Variants in FBN1 observed in about 807,000 individuals in gnomAD.
FBN1 encodes fibrillin 1.
In FBN1, 29 loss-of-function variants were observed where a neutral mutation model predicts 365.1. That is an observed-to-expected ratio of 0.08 (90% CI 0.06 to 0.11). The LOEUF (loss-of-function observed/expected upper bound fraction) is 0.11, where lower values mean the gene tolerates loss of function less well. Ranked by LOEUF, FBN1 falls within the 10% of genes least tolerant of loss-of-function variation. The pLI is 1.00. For missense variants in FBN1, 2,476 were observed against 3,703.2 expected, an observed-to-expected ratio of 0.67 and a Z score of 8.60; for synonymous variants, 1,210 against 1,270.5, an observed-to-expected ratio of 0.95 and a Z score of 1.01.
At chr15:48,501,890 T>C (rs1283260331) in intron 17 of FBN1, among the ~76,000 whole-genome samples, 2 of 152,230 alleles carry the variant, frequency 1.3e-5, no homozygotes, top group Admixed American at 1.3e-4. Context: ...AACAGAATGG[T>C]ATTTGTATAT....
At chr15:48,485,610 T>G (rs2043500325) in intron 29 of FBN1, 114 bp from the exon 30 acceptor site, 1 of 1,145,266 alleles carries the variant, frequency 8.7e-7, no homozygotes. Context: ...GCAGGGCCTT[T>G]AAAAGAGGTA....
At chr15:48,511,044 G>T (rs544766881) in intron 13 of FBN1, among the ~76,000 whole-genome samples, 2 of 152,322 alleles carry the variant, frequency 1.3e-5, no homozygotes, top group East Asian at 3.9e-4. Context: ...CAGGGACCAA[G>T]AAACTATGTG....
intron 64 of FBN1, 94 bp from the exon 65 acceptor site, chr15:48,412,837 G>T: frequency 7.0e-7 from 1 of 1,429,554 alleles, no homozygotes; most frequent in Non-Finnish European, 9.8e-7. Context: ...CCTTGCAGTT[G>T]TGAGATACAG....
chr15:48,610,620 T>C, intron 4 of FBN1, 108 bp downstream of exon 4: 1 of 807,762 alleles, frequency 1.2e-6, no homozygotes, highest in Non-Finnish European at 2.1e-6. Flanking sequence ...GCAGATGTTC[T>C]AGTGAAAAAA....
chr15:48,416,281 C>T (rs1054609506), intron 63 of FBN1, among the ~76,000 whole-genome samples: 2 of 152,188 alleles, frequency 1.3e-5, no homozygotes, highest in Non-Finnish European at 2.9e-5. Context: ...CAGCCTATTT[C>T]AGGATATGCT....
intron 2 of FBN1, among the ~76,000 whole-genome samples, chr15:48,629,449 C>CA (rs1168611098): frequency 1.3e-5 from 2 of 151,456 alleles, no homozygotes; most frequent in Non-Finnish European, 2.9e-5. Flanking sequence ...GAATAAACTG[C>CA]AAAAAAACAA....
At chr15:48,644,273 A>G (rs1227808891) in intron 2 of FBN1, 5 of 331,690 alleles carry the variant, frequency 1.5e-5, no homozygotes, top group Non-Finnish European at 2.9e-5. Context: ...ACCAGAATTG[A>G]TATTGCAGGG....
At chr15:48,537,467 G>T in intron 7 of FBN1, 144 bp downstream of exon 7, 2 of 934,522 alleles carry the variant, frequency 2.1e-6, no homozygotes, top group African/African-American at 1.6e-5. Flanking sequence ...CGTTCCTAAT[G>T]CCTTAGTTGG....
Position 48,420,672 on chromosome 15 carries a change from G to A in FBN1, c.7819+15C>T, listed in dbSNP as rs772164887. 3.5e-5 allele frequency: 56 copies of A among 1,613,920 alleles called. No individual in the cohort carries two copies. The highest frequency in any genetic ancestry group is 4.5e-5 in the Non-Finnish European group (53 of 1,179,988). ...TGATAGCCATGCATCTTGAGAGTGA[G>A]GAAAAGTTACTTGCCAACACACTGG... On this transcript the variant is annotated intron_variant, in intron 63 of 65. Coordinates refer to ENST00000316623, the MANE Select transcript of FBN1 (RefSeq NM_000138.5).
At chr15:48,604,564 A>T (rs1014419479) in intron 4 of FBN1, among the ~76,000 whole-genome samples, 1 of 152,166 alleles carries the variant, frequency 6.6e-6, no homozygotes, top group Admixed American at 6.5e-5. Flanking sequence ...AAACAAACAA[A>T]ATCTAGCCAA....
At chr15:48,516,416 T>C (rs1046217722) in intron 10 of FBN1, 54 bp from the exon 11 acceptor site, 10 of 1,543,762 alleles carry the variant, frequency 6.5e-6, no homozygotes, top group Admixed American at 1.7e-5. Context: ...CTTATGATCA[T>C]AGGCCCACAG....
intron 12 of FBN1, 37 bp downstream of exon 12, chr15:48,515,350 A>G (rs2043791357): frequency 1.2e-6 from 2 of 1,612,912 alleles, no homozygotes; most frequent in Non-Finnish European, 1.7e-6. Context: ...CAGAATTACA[A>G]CAGACCCTTG....
At chr15:48,617,268 G>A (rs868311937) in intron 2 of FBN1, among the ~76,000 whole-genome samples, 7 of 151,842 alleles carry the variant, frequency 4.6e-5, no homozygotes, top group Admixed American at 6.6e-5. Context: ...TCCGCCTCCC[G>A]GGTTCGATAG....
At chr15:48,561,244 A>G (rs1224653320) in intron 6 of FBN1, among the ~76,000 whole-genome samples, 1 of 152,192 alleles carries the variant, frequency 6.6e-6, no homozygotes, top group African/African-American at 2.4e-5. Flanking sequence ...TGCCCTTTGG[A>G]AATGTTCATT....
chr15:48,467,181 T>C (rs1041968796), intron 38 of FBN1, among the ~76,000 whole-genome samples: 4 of 152,238 alleles, frequency 2.6e-5, no homozygotes, highest in Non-Finnish European at 4.4e-5. Flanking sequence ...ATAGCGCTTA[T>C]GTTTAGGTCA....
intron 6 of FBN1, among the ~76,000 whole-genome samples, chr15:48,542,731 A>G (rs1337565435): frequency 6.6e-6 from 1 of 151,296 alleles, no homozygotes. Context: ...CCAGGCATAT[A>G]CGTCTTGCAA....
intron 2 of FBN1, among the ~76,000 whole-genome samples, chr15:48,638,767 G>T (rs184284863): frequency 6.6e-6 from 1 of 152,096 alleles, no homozygotes; most frequent in Non-Finnish European, 1.5e-5. Context: ...ATTTCCACTG[G>T]AAAGAGAAAT....
intron 11 of FBN1, 81 bp from the exon 12 acceptor site, chr15:48,515,608 G>C: frequency 6.4e-7 from 1 of 1,561,594 alleles, no homozygotes; most frequent in South Asian, 1.1e-5. Flanking sequence ...TAATGAACAA[G>C]ATGTTGAATC....
chr15:48,524,239 G>C (rs997137868), intron 9 of FBN1, among the ~76,000 whole-genome samples: 1 of 152,200 alleles, frequency 6.6e-6, no homozygotes, highest in Non-Finnish European at 1.5e-5. Context: ...CACAAAGGGA[G>C]CTCGGGGCTG....
Sources: allele counts gnomAD v4.1 joint callset (sites outside exome capture counted in the v4.1 genomes callset), GRCh38; gene constraint gnomAD v4.1.1; transcripts MANE v1.5; gene names NCBI Gene and HGNC (gene_info 2026-07-23, HGNC 2026-07-21).